Variants in MTREX observed in about 807,000 individuals in gnomAD.
MTREX encodes the protein Mtr4 exosome RNA helicase.
In MTREX, 76 loss-of-function variants were observed where a neutral mutation model predicts 135.4. The ratio of observed to expected loss-of-function variants is 0.56; its 90% CI spans 0.47 to 0.68. MTREX has a LOEUF of 0.68. Among genes scored for constraint, MTREX ranks in the 30% least tolerant of loss-of-function variants. The probability of loss-of-function intolerance (pLI) is 0.00; values close to 1 mark genes in which losing one functional copy is unlikely to be tolerated. For synonymous variants in MTREX, 404 were observed against 401.6 expected, an observed-to-expected ratio of 1.01 and a Z score of -0.07; for missense variants, 920 against 1,262.1, an observed-to-expected ratio of 0.73 and a Z score of 4.11.
At chr5:55,408,547 T>A (rs1750840295) in intron 22 of MTREX, among the ~76,000 whole-genome samples, 1 of 152,222 alleles carries the variant, frequency 6.6e-6, no homozygotes, top group Admixed American at 6.5e-5. Flanking sequence ...GTAAAGATTA[T>A]AATAGTTCAT....
Position 55,400,352 on chromosome 5 carries a change from G to A in MTREX, c.2412G>A (p.Met804Ile), listed in dbSNP as rs1750705171. ...IQKVEAFEHR[M>I]YSHPLHNDPN... ...AAGTAGAAGCTTTTGAGCATCGAAT[G>A]TATTCTCATCCACTTCACAATGATC... Residue 804 changes from methionine (M) to isoleucine (I), a missense_variant, in exon 21 of 27, where the codon ATG (methionine) becomes ATA (isoleucine). Coordinates refer to ENST00000230640, the MANE Select transcript of MTREX (RefSeq NM_015360.5). 2 of 1,613,404 alleles carry A rather than the reference G, an allele frequency of 1.2e-6. No homozygotes were observed. Among genetic ancestry groups the A allele is most frequent in the Non-Finnish European group, 1.7e-6 (2 of 1,179,706 alleles).
chr5:55,409,196 C>T (rs184045083), intron 22 of MTREX, among the ~76,000 whole-genome samples: 17 of 152,164 alleles, frequency 1.1e-4, no homozygotes, highest in African/African-American at 4.1e-4. Flanking sequence ...AAGAGATCTA[C>T]CTGTTTCAGC....
chr5:55,329,209 A>AT (rs113973461), intron 5 of MTREX: 29,159 of 149,702 alleles, frequency 0.19, 2,781 homozygotes, highest in Admixed American at 0.2. Flanking sequence ...TATTGACATG[A>AT]TTTTTTTTTT....
At chr5:55,402,874 A>G (rs77826661) in intron 21 of MTREX, among the ~76,000 whole-genome samples, 9,557 of 68,240 alleles carry the variant, frequency 0.14, 344 homozygotes, top group Non-Finnish European at 0.16. Context: ...GTGTGTGTGT[A>G]TATATATAAT....
intron 19 of MTREX, among the ~76,000 whole-genome samples, chr5:55,391,311 G>A (rs1214744873): frequency 6.6e-6 from 1 of 152,054 alleles, no homozygotes; most frequent in Non-Finnish European, 1.5e-5. Flanking sequence ...GCCAGGCATG[G>A]TGGCATGTGC....
At chr5:55,312,606 A>C (rs376626402) in intron 1 of MTREX, among the ~76,000 whole-genome samples, 1 of 152,038 alleles carries the variant, frequency 6.6e-6, no homozygotes, top group East Asian at 1.9e-4. Flanking sequence ...GGCTTCTTTT[A>C]CTCAACATAG....
chr5:55,378,048 A>G (rs1284708319), intron 16 of MTREX, among the ~76,000 whole-genome samples: 1 of 152,040 alleles, frequency 6.6e-6, no homozygotes, highest in East Asian at 1.9e-4. Context: ...TTTCCCACTC[A>G]GTCTATTAGT....
At position 55,368,501 on chromosome 5, in the gene MTREX, GAAT is replaced by G. The variant is rs1750140129; in HGVS notation, c.1810+1630_1810+1632del. Among the ~76,000 whole-genome samples the G allele has an allele frequency of 2.0e-5, 3 of 152,236 alleles. No individual in the cohort carries two copies. In the South Asian group the frequency reaches 6.2e-4, roughly 32 times the overall value. On this transcript the variant is annotated intron_variant, in intron 16 of 26. Transcript: ENST00000230640. Reference sequence around the variant, plus strand: ...CAAGAAAGCATGATTTTTAATGACTGAATAATGTTTCAATTTTATAACTATCAT... The same window carrying G: ...CAAGAAAGCATGATTTTTAATGACTGAATGTTTCAATTTTATAACTATCAT...
intron 26 of MTREX, chr5:55,423,630 C>G (rs1302049058): frequency 2.0e-5 from 3 of 152,294 alleles, no homozygotes; most frequent in Non-Finnish European, 4.4e-5. Flanking sequence ...GTAATTGTTG[C>G]TCTTACATTC....
At chr5:55,375,545 T>G (rs1750282931) in intron 16 of MTREX, among the ~76,000 whole-genome samples, 1 of 152,202 alleles carries the variant, frequency 6.6e-6, no homozygotes, top group African/African-American at 2.4e-5. Context: ...CAATTGCTCT[T>G]ATCCTGTTCT....
chr5:55,364,448 G>A (rs1185125731), intron 15 of MTREX, among the ~76,000 whole-genome samples: 3 of 152,102 alleles, frequency 2.0e-5, no homozygotes, highest in African/African-American at 4.8e-5. Flanking sequence ...ATTCTATTTC[G>A]TTGGGGGAAA....
At chr5:55,334,810 G>T (rs902087304) in intron 5 of MTREX, among the ~76,000 whole-genome samples, 2 of 152,042 alleles carry the variant, frequency 1.3e-5, no homozygotes, top group African/African-American at 2.4e-5. Flanking sequence ...ACATTCATGT[G>T]CAAGTCTTTA....
At position 55,414,246 on chromosome 5, in the gene MTREX, T is replaced by C; in HGVS notation, c.2808+8T>C. The C allele has an allele frequency of 1.0e-6, 1 of 971,980 alleles. No homozygotes were observed. The highest frequency in any genetic ancestry group is 1.3e-6 in the Non-Finnish European group (1 of 747,328). The allele number at this position is 971,980 out of a possible 1,614,324, so 60.2% of individuals were successfully genotyped here. ...CCACTTCGTCAAATGCAGGTAAGGT[T>C]TTTTTTTTTTTTTTTTGAACTACAT... On this transcript the variant is annotated splice_region_variant and intron_variant, in intron 24 of 26. Transcript: ENST00000230640.
intron 16 of MTREX, among the ~76,000 whole-genome samples, chr5:55,371,616 A>T (rs1750204722): frequency 6.6e-6 from 1 of 152,154 alleles, no homozygotes; most frequent in Admixed American, 6.5e-5. Context: ...ATTGGGGTGG[A>T]AGAGGTACTA....
chr5:55,398,260 A>AAC (rs1750675310), intron 20 of MTREX, among the ~76,000 whole-genome samples: 1 of 149,612 alleles, frequency 6.7e-6, no homozygotes. Flanking sequence ...AAAAAAAAAA[A>AAC]ACAAGGAAGT....
At chr5:55,379,737 T>G (rs747536772) in intron 18 of MTREX, among the ~76,000 whole-genome samples, 21 of 152,124 alleles carry the variant, frequency 1.4e-4, no homozygotes, top group Non-Finnish European at 2.6e-4. Context: ...TTATGTGGAG[T>G]TGGAAGTGTG....
rs1751158679 is a variant in MTREX at position 55,425,495 on chromosome 5, A to G, written c.*723A>G. On this transcript the variant is annotated 3_prime_UTR_variant, in exon 27 of 27. Coordinates refer to ENST00000230640, the MANE Select transcript of MTREX (RefSeq NM_015360.5). ...TTAGAGACTAACTGGGATTTTTTAA[A>G]GATTATTCCAAATTAAGAGTTGCTT... The G allele has an allele frequency of 4.7e-6, 3 of 639,432 alleles. No individual in the cohort carries two copies. The highest frequency in any genetic ancestry group is 7.2e-6 in the Non-Finnish European group (3 of 414,440). The allele number at this position is 639,432 out of a possible 1,614,324, so 39.6% of individuals were successfully genotyped here. A position where few individuals can be genotyped will look rare whatever the true frequency, so the allele number is the denominator to read the frequency against.
intron 21 of MTREX, 102 bp from the exon 22 acceptor site, chr5:55,405,323 A>G (rs1310065704): frequency 4.9e-6 from 5 of 1,017,956 alleles, no homozygotes; most frequent in Non-Finnish European, 7.2e-6. Flanking sequence ...GTATACTGTA[A>G]GATGTTCTTT....
intron 18 of MTREX, among the ~76,000 whole-genome samples, chr5:55,384,737 G>A (rs534896305): frequency 1.2e-4 from 19 of 152,090 alleles, no homozygotes; most frequent in Non-Finnish European, 2.2e-4. Context: ...ACCCCCTATA[G>A]TATGTAGCCT....
Sources: allele counts gnomAD v4.1 joint callset (sites outside exome capture counted in the v4.1 genomes callset), GRCh38; gene constraint gnomAD v4.1.1; transcripts MANE v1.5; gene names NCBI Gene and HGNC (gene_info 2026-07-23, HGNC 2026-07-21).